The following MYO10 variants were observed in gnomAD, a reference collection of about 807,000 sequenced individuals.
The protein encoded by MYO10 is unconventional myosin-X.
Under a neutral mutation model 257.3 loss-of-function variants are expected in MYO10, and 133 were observed. The ratio of observed to expected loss-of-function variants is 0.52; its 90% CI spans 0.45 to 0.60. The LOEUF is 0.60. Ranked by LOEUF, MYO10 falls within the 20% of genes least tolerant of loss-of-function variation. The pLI, the probability that MYO10 is intolerant of heterozygous loss-of-function variation, is 0.00. For missense variants in MYO10, 2,399 were observed against 2,635.7 expected, an observed-to-expected ratio of 0.91 and a Z score of 1.97; for synonymous variants, 1,104 against 1,028.6, an observed-to-expected ratio of 1.07 and a Z score of -1.40.
chr5:16,864,445 G>A (rs1230743913), intron 2 of MYO10, among the ~76,000 whole-genome samples: 1 of 152,128 alleles, frequency 6.6e-6, no homozygotes, highest in Non-Finnish European at 1.5e-5. Context: ...TCTTTGAAAG[G>A]GGGCCTGAAT....
At chr5:16,894,405 C>T (rs1411409857) in intron 1 of MYO10, among the ~76,000 whole-genome samples, 1 of 152,182 alleles carries the variant, frequency 6.6e-6, no homozygotes, top group Non-Finnish European at 1.5e-5. Flanking sequence ...GGGGGCCAAA[C>T]CGCCTGGACA....
At chr5:16,770,727 A>T (rs1694895542) in intron 9 of MYO10, among the ~76,000 whole-genome samples, 1 of 152,240 alleles carries the variant, frequency 6.6e-6, no homozygotes, top group South Asian at 2.1e-4. Flanking sequence ...AAAAGGAAAC[A>T]ACTGGAGATT....
At chr5:16,897,769 G>T (rs897526757) in intron 1 of MYO10, among the ~76,000 whole-genome samples, 11 of 152,188 alleles carry the variant, frequency 7.2e-5, no homozygotes, top group Non-Finnish European at 1.3e-4. Context: ...GTGATTGTAG[G>T]GGGGCAGAGC....
At chr5:16,768,403 C>A (rs1740941269) in intron 10 of MYO10, among the ~76,000 whole-genome samples, 1 of 152,092 alleles carries the variant, frequency 6.6e-6, no homozygotes, top group African/African-American at 2.4e-5. Flanking sequence ...AACAAAGGGA[C>A]TTAATTAACC....
At chr5:16,804,693 T>C (rs1580008837) in intron 3 of MYO10, among the ~76,000 whole-genome samples, 1 of 151,980 alleles carries the variant, frequency 6.6e-6, no homozygotes, top group African/African-American at 2.4e-5. Flanking sequence ...GGCAGGAGGA[T>C]GGCTTGAGCC....
intron 19 of MYO10, among the ~76,000 whole-genome samples, chr5:16,744,570 G>A (rs1740128980): frequency 6.6e-6 from 1 of 152,134 alleles, no homozygotes; most frequent in South Asian, 2.1e-4. Flanking sequence ...GCGGCGCAGG[G>A]CTTCCTGTGC....
At chr5:16,858,173 T>C (rs2625206) in intron 2 of MYO10, among the ~76,000 whole-genome samples, 59,129 of 152,016 alleles carry the variant, frequency 0.39, 12,997 homozygotes, top group African/African-American at 0.6. Context: ...TGTTCCAATA[T>C]AACTTTATTA....
intron 3 of MYO10, among the ~76,000 whole-genome samples, chr5:16,816,624 A>T (rs1299922580): frequency 1.4e-5 from 2 of 145,044 alleles, no homozygotes; most frequent in Non-Finnish European, 3.0e-5. Flanking sequence ...TCCGCCTCCC[A>T]GGTTCAAGCG....
At chr5:16,793,238 T>C (rs1371105147) in intron 4 of MYO10, among the ~76,000 whole-genome samples, 3 of 152,190 alleles carry the variant, frequency 2.0e-5, no homozygotes, top group Non-Finnish European at 2.9e-5. Flanking sequence ...ACAGGTCCAA[T>C]AGAAATAATT....
At chr5:16,900,462 T>G (rs1046749960) in intron 1 of MYO10, among the ~76,000 whole-genome samples, 8 of 152,180 alleles carry the variant, frequency 5.3e-5, no homozygotes, top group Admixed American at 1.3e-4. Context: ...CCCTGGAACC[T>G]AGAATGTGAC....
intron 2 of MYO10, among the ~76,000 whole-genome samples, chr5:16,831,830 T>C (rs560536969): frequency 2.0e-4 from 31 of 152,226 alleles, no homozygotes; most frequent in East Asian, 1.4e-3. Flanking sequence ...AAAGAACTTA[T>C]TCATATAACC....
intron 1 of MYO10, among the ~76,000 whole-genome samples, chr5:16,891,206 G>C (rs1162859713): frequency 1.3e-4 from 19 of 151,564 alleles, no homozygotes; most frequent in Admixed American, 1.2e-3. Context: ...AGAATTGCTT[G>C]AACTCTTGAA....
At chr5:16,707,298 G>T (rs943070042) in intron 21 of MYO10, among the ~76,000 whole-genome samples, 17 of 152,136 alleles carry the variant, frequency 1.1e-4, no homozygotes, top group African/African-American at 4.1e-4. Context: ...AAGTGTTTCT[G>T]TGAGCCCTTG....
At chr5:16,762,022 T>C in intron 16 of MYO10, 23 bp downstream of exon 16, 5 of 1,491,472 alleles carry the variant, frequency 3.4e-6, no homozygotes, top group Middle Eastern at 1.8e-4. Flanking sequence ...CAAATATCAA[T>C]AGGTATCTTA....
chr5:16,827,365 C>T (rs1023958456), intron 2 of MYO10, among the ~76,000 whole-genome samples: 1 of 152,128 alleles, frequency 6.6e-6, no homozygotes, highest in Non-Finnish European at 1.5e-5. Flanking sequence ...CTCACTGCAA[C>T]CTCCTCCGCC....
intron 2 of MYO10, among the ~76,000 whole-genome samples, chr5:16,828,062 G>C (rs576696502): frequency 6.6e-6 from 1 of 152,236 alleles, no homozygotes; most frequent in South Asian, 2.1e-4. Flanking sequence ...CTGGCTATGA[G>C]TCCCTGGGCA....
chr5:16,781,660 T>C (rs1366372588), intron 6 of MYO10, 45 bp downstream of exon 6: 2 of 1,564,100 alleles, frequency 1.3e-6, no homozygotes, highest in Admixed American at 3.6e-5. Flanking sequence ...CAGTTTCCAC[T>C]TAGAGAATCA....
intron 1 of MYO10, among the ~76,000 whole-genome samples, chr5:16,904,929 A>C (rs2126787583): frequency 6.6e-6 from 1 of 151,394 alleles, no homozygotes; most frequent in East Asian, 1.9e-4. Context: ...ACTCCATCTC[A>C]AAAAAAAAGA....
intron 1 of MYO10, among the ~76,000 whole-genome samples, chr5:16,924,071 C>T (rs2016997): frequency 0.47 from 71,303 of 151,994 alleles, 17,044 homozygotes; most frequent in African/African-American, 0.53. Flanking sequence ...GCCTAAATGA[C>T]GGAGTGAGAC....
Sources: gnomAD v4.1 joint callset for allele counts (sites outside exome capture counted in the v4.1 genomes callset) on GRCh38, gnomAD v4.1.1 for gene constraint, MANE v1.5 for transcripts, NCBI Gene and HGNC (gene_info 2026-07-23, HGNC 2026-07-21) for gene names.